HACD3: variants seen among roughly 807,000 people sequenced by gnomAD.
HACD3 encodes the protein 3-hydroxyacyl-CoA dehydratase 3.
HACD3 carries 30 observed loss-of-function variants against 55.2 expected under a neutral mutation model. The ratio of observed to expected loss-of-function variants is 0.54; its 90% CI spans 0.41 to 0.74. The LOEUF is 0.74. Among genes scored for constraint, HACD3 ranks in the 30% least tolerant of loss-of-function variants. HACD3 has a pLI of 0.00. For missense variants in HACD3, 363 were observed against 440.1 expected (o/e 0.82, Z 1.57); for synonymous variants, 141 against 151.7 (o/e 0.93, Z 0.52).
At chr15:65,570,069 C>A in intron 7 of HACD3, 22 bp from the exon 8 acceptor site, 1 of 1,460,644 alleles carries the variant, frequency 6.8e-7, no homozygotes, top group South Asian at 1.2e-5. Context: ...ACTTTTTTCT[C>A]TCTTTTGGGT....
At chr15:65,563,746 A>G (rs914453505) in intron 6 of HACD3, among the ~76,000 whole-genome samples, 1 of 152,176 alleles carries the variant, frequency 6.6e-6, no homozygotes, top group Admixed American at 6.5e-5. Context: ...CTAGGTGGGC[A>G]GATCACGAGG....
At position 65,554,967 on chromosome 15, in the gene HACD3, T is replaced by G. The variant is rs748493679; in HGVS notation, c.204+7T>G. On this transcript the variant is annotated splice_region_variant and intron_variant, in intron 3 of 10. Transcript: ENST00000261875. ...AGACCTTGTGAAACCAGAGGTATGTTCTTTCCTTTCTCACTTCCCTTCCCA... is the reference window on the plus strand; with the variant it reads ...AGACCTTGTGAAACCAGAGGTATGTGCTTTCCTTTCTCACTTCCCTTCCCA... 6.3e-7 allele frequency: 1 copy of G among 1,587,314 alleles called. No homozygotes were observed. Among genetic ancestry groups the G allele is most frequent in the Admixed American group, 1.7e-5 (1 of 59,864 alleles).
At chr15:65,542,412 T>G (rs1338705237) in intron 1 of HACD3, among the ~76,000 whole-genome samples, 1 of 151,730 alleles carries the variant, frequency 6.6e-6, no homozygotes. Flanking sequence ...TACAGGCACA[T>G]GCCATCACGC....
In HACD3 at chr15:65,536,476, T is replaced by C. The variant is rs150669842; in HGVS notation, c.87+5758T>C. 4.0e-4 allele frequency among the ~76,000 whole-genome samples: 61 copies of C among 151,670 alleles called. 1 individual carries two copies. The East Asian group carries it at 0.011, about 29-fold the overall frequency. Reference sequence around the variant, plus strand: ...ATTAAGCCAGTTAATAACCCTACAATGGGGTCGGGTGTGATGGCTCATGCC... The same window carrying C: ...ATTAAGCCAGTTAATAACCCTACAACGGGGTCGGGTGTGATGGCTCATGCC... On this transcript the variant is annotated intron_variant, in intron 1 of 10. Transcript: ENST00000261875.
intron 10 of HACD3, among the ~76,000 whole-genome samples, chr15:65,575,448 G>A (rs567550196): frequency 1.3e-3 from 195 of 152,138 alleles, no homozygotes; most frequent in Non-Finnish European, 2.2e-3. Flanking sequence ...TTGGCCTCCC[G>A]AAGTGCTGAG....
chr15:65,548,993 C>G (rs1227022486), intron 1 of HACD3, among the ~76,000 whole-genome samples: 1 of 152,202 alleles, frequency 6.6e-6, no homozygotes, highest in Admixed American at 6.5e-5. Context: ...TCCCCGGTAG[C>G]TGGGACTATA....
Position 65,564,313 on chromosome 15 carries a change from A to G in HACD3, c.631A>G (p.Thr211Ala), listed in dbSNP as rs1596216242. 1.9e-6 allele frequency: 3 copies of G among 1,613,710 alleles called. No homozygotes were observed. The highest frequency in any genetic ancestry group is 1.7e-5 in the Admixed American group (1 of 59,982). Residue 211 changes from threonine to alanine, a missense_variant, in exon 7 of 11, where the codon ACG (threonine) becomes GCG (alanine). Coordinates refer to ENST00000261875, the MANE Select transcript of HACD3 (RefSeq NM_016395.4). Reference sequence around the variant, plus strand: ...TATCAATGCAGCAATTGGAGTCACTACGTCACCGGTGCTGCCTTCTCTGAT... The same window carrying G: ...TATCAATGCAGCAATTGGAGTCACTGCGTCACCGGTGCTGCCTTCTCTGAT... ...ETINAAIGVT[T>A]SPVLPSLIQL...
intron 5 of HACD3, among the ~76,000 whole-genome samples, chr15:65,559,236 G>A (rs1057299449): frequency 6.6e-6 from 1 of 152,140 alleles, no homozygotes; most frequent in Non-Finnish European, 1.5e-5. Context: ...AGCTCTGTAA[G>A]TGTATTATCT....
chr15:65,558,947 A>C (rs1225844029), intron 5 of HACD3, among the ~76,000 whole-genome samples: 1 of 152,192 alleles, frequency 6.6e-6, no homozygotes, highest in Non-Finnish European at 1.5e-5. Flanking sequence ...TTGTTATTTC[A>C]TGAGTACACC....
chr15:65,576,085 C>T (rs1056455974), intron 10 of HACD3, among the ~76,000 whole-genome samples: 2 of 152,180 alleles, frequency 1.3e-5, no homozygotes, highest in African/African-American at 4.8e-5. Context: ...CAGAATGAGA[C>T]CCTGTCGCAA....
chr15:65,534,626 A>G (rs974102633), intron 1 of HACD3, among the ~76,000 whole-genome samples: 4 of 152,192 alleles, frequency 2.6e-5, no homozygotes, highest in Non-Finnish European at 4.4e-5. Flanking sequence ...GAGCTGTTTG[A>G]AAGATATTGT....
At chr15:65,548,824 C>A (rs987763178) in intron 1 of HACD3, among the ~76,000 whole-genome samples, 1 of 152,138 alleles carries the variant, frequency 6.6e-6, no homozygotes, top group Admixed American at 6.5e-5. Flanking sequence ...CGTAGGCCTC[C>A]CGAAGTGTTG....
chr15:65,533,667 T>C (rs2071925029), intron 1 of HACD3, among the ~76,000 whole-genome samples: 1 of 151,574 alleles, frequency 6.6e-6, no homozygotes, highest in African/African-American at 2.4e-5. Flanking sequence ...GGGTTGCCTT[T>C]TTTTTTTCTT....
intron 1 of HACD3, among the ~76,000 whole-genome samples, chr15:65,546,854 C>T (rs1056411609): frequency 2.6e-5 from 4 of 152,136 alleles, no homozygotes; most frequent in African/African-American, 9.7e-5. Context: ...CACCAGTGTG[C>T]TCAGTGATTT....
chr15:65,547,610 A>G (rs2072090317), intron 1 of HACD3, among the ~76,000 whole-genome samples: 1 of 152,254 alleles, frequency 6.6e-6, no homozygotes, highest in East Asian at 1.9e-4. Flanking sequence ...ATGCCAGCCA[A>G]AGGCTGATCT....
At chr15:65,549,557 G>A (rs533467440) in intron 1 of HACD3, among the ~76,000 whole-genome samples, 7 of 137,642 alleles carry the variant, frequency 5.1e-5, no homozygotes, top group African/African-American at 1.7e-4. Context: ...TTGAGATGGC[G>A]CCACTGTACT....
At chr15:65,535,608 T>C (rs1278944537) in intron 1 of HACD3, 1 of 401,194 alleles carries the variant, frequency 2.5e-6, no homozygotes, top group Non-Finnish European at 4.4e-6. Flanking sequence ...GTCTCTGTGT[T>C]GTATTTTGTT....
intron 10 of HACD3, chr15:65,574,601 G>A (rs978507559): frequency 2.0e-5 from 3 of 152,196 alleles, no homozygotes; most frequent in East Asian, 1.9e-4. Flanking sequence ...TTAGTGTTGC[G>A]GGAGGAGAGA....
chr15:65,572,214 A>G, intron 9 of HACD3, 21 bp from the exon 10 acceptor site: 1 of 1,609,788 alleles, frequency 6.2e-7, no homozygotes. Context: ...GCTTCTAACA[A>G]GTTCTTGTTT....
Sources: gnomAD v4.1 joint callset for allele counts (sites outside exome capture counted in the v4.1 genomes callset) on GRCh38, gnomAD v4.1.1 for gene constraint, MANE v1.5 for transcripts, NCBI Gene and HGNC (gene_info 2026-07-23, HGNC 2026-07-21) for gene names.